Variants in IPCEF1 observed in about 807,000 individuals in gnomAD.
The protein encoded by IPCEF1 is interaction protein for cytohesin exchange factors 1.
IPCEF1 carries 31 observed loss-of-function variants against 50.9 expected under a neutral mutation model. That is an observed-to-expected ratio of 0.61 (90% CI 0.46 to 0.82). The LOEUF (loss-of-function observed/expected upper bound fraction) is 0.82, where lower values mean the gene tolerates loss of function less well. Ranked by LOEUF, IPCEF1 falls within the 40% of genes least tolerant of loss-of-function variation. The probability of loss-of-function intolerance (pLI) is 0.00; values close to 1 mark genes in which losing one functional copy is unlikely to be tolerated. For synonymous variants in IPCEF1, 181 were observed against 192.0 expected (o/e 0.94, Z 0.47); for missense variants, 458 against 514.0 (o/e 0.89, Z 1.05).
At chr6:154,289,606 A>C (rs974194880) in intron 2 of IPCEF1, 107 bp downstream of exon 2, 1 of 152,132 alleles carries the variant, frequency 6.6e-6, no homozygotes, top group African/African-American at 2.4e-5. Flanking sequence ...CCTAGGCTAC[A>C]CTAATTTGAT....
chr6:154,208,953 C>T lies in IPCEF1; in HGVS notation c.537+3817G>A, dbSNP rs116076432. Among the ~76,000 whole-genome samples the T allele has an allele frequency of 4.2e-3, 638 of 152,288 alleles. 6 individuals are homozygous for T. The highest frequency in any genetic ancestry group is 0.014 in the African/African-American group (595 of 41,558). On this transcript the variant is annotated intron_variant, in intron 9 of 11. Transcript: ENST00000367220. ...TGAGAATAAATGGATGTTCTTTCCA[C>T]TATCAACCCTCTGAAACCTTCTGAA...
chr6:154,284,560 T>C (rs1364331849), intron 2 of IPCEF1, among the ~76,000 whole-genome samples: 1 of 152,144 alleles, frequency 6.6e-6, no homozygotes, highest in Non-Finnish European at 1.5e-5. Context: ...CCTCCTTCTG[T>C]GTCATGACCA....
chr6:154,225,686 C>T (rs913528733), intron 5 of IPCEF1, among the ~76,000 whole-genome samples: 4 of 152,154 alleles, frequency 2.6e-5, no homozygotes, highest in Non-Finnish European at 5.9e-5. Flanking sequence ...GGTTGCACAA[C>T]ATTGTGAATG....
intron 10 of IPCEF1, among the ~76,000 whole-genome samples, chr6:154,198,721 A>G (rs1423004451): frequency 6.6e-6 from 1 of 152,108 alleles, no homozygotes; most frequent in African/African-American, 2.4e-5. Flanking sequence ...AAATTAAATT[A>G]GCAGGGTACC....
chr6:154,322,541 C>G (rs1211506547), intron 1 of IPCEF1, among the ~76,000 whole-genome samples: 1 of 151,628 alleles, frequency 6.6e-6, no homozygotes, highest in Admixed American at 6.6e-5. Context: ...AAAACTGCCT[C>G]CTAAAGAAAA....
At chr6:154,313,751 T>G (rs1475717626) in intron 1 of IPCEF1, among the ~76,000 whole-genome samples, 2 of 152,100 alleles carry the variant, frequency 1.3e-5, no homozygotes, top group African/African-American at 4.8e-5. Flanking sequence ...TGTTTTGTTT[T>G]TTGTTTTTTT....
At chr6:154,210,852 T>C (rs2128604252) in intron 9 of IPCEF1, among the ~76,000 whole-genome samples, 1 of 152,262 alleles carries the variant, frequency 6.6e-6, no homozygotes, top group African/African-American at 2.4e-5. Flanking sequence ...TATTCAACAA[T>C]ATTTATGTCT....
At chr6:154,257,271 A>G (rs1188981390) in intron 3 of IPCEF1, among the ~76,000 whole-genome samples, 2 of 152,146 alleles carry the variant, frequency 1.3e-5, no homozygotes, top group African/African-American at 4.8e-5. Flanking sequence ...CAAGTGAGGA[A>G]GCTCCATTGT....
At chr6:154,186,001 T>G (rs1801309889) in intron 10 of IPCEF1, among the ~76,000 whole-genome samples, 1 of 152,280 alleles carries the variant, frequency 6.6e-6, no homozygotes, top group Non-Finnish European at 1.5e-5. Flanking sequence ...GCTTGTGTTC[T>G]TTGCGGCCTA....
intron 2 of IPCEF1, among the ~76,000 whole-genome samples, chr6:154,278,461 C>T (rs192244160): frequency 3.3e-5 from 5 of 152,228 alleles, no homozygotes; most frequent in Admixed American, 6.5e-5. Flanking sequence ...AGAGATCCTC[C>T]GATCCTAGCC....
chr6:154,264,990 C>G (rs1392267710), intron 3 of IPCEF1, among the ~76,000 whole-genome samples: 1 of 152,164 alleles, frequency 6.6e-6, no homozygotes, highest in Non-Finnish European at 1.5e-5. Context: ...AGCCTCCCAA[C>G]ACACCACTTC....
At chr6:154,217,410 AC>A (rs1562547860) in intron 7 of IPCEF1, 4 of 151,688 alleles carry the variant, frequency 2.6e-5, no homozygotes, top group Non-Finnish European at 5.9e-5. Context: ...TTGTTCCTAA[AC>A]CACAAGAGGT....
chr6:154,303,092 C>CTTTTT (rs71021038), intron 1 of IPCEF1, among the ~76,000 whole-genome samples: 3 of 121,406 alleles, frequency 2.5e-5, no homozygotes, highest in African/African-American at 6.4e-5. Context: ...TATGATAGCA[C>CTTTTT]TTTTTTTTTT....
chr6:154,322,287 C>T (rs1265512574), intron 1 of IPCEF1, among the ~76,000 whole-genome samples: 1 of 151,754 alleles, frequency 6.6e-6, no homozygotes, highest in Non-Finnish European at 1.5e-5. Flanking sequence ...GAGGCTGAGG[C>T]AGGAGAATCA....
intron 10 of IPCEF1, among the ~76,000 whole-genome samples, chr6:154,174,893 T>C (rs1435035736): frequency 6.6e-6 from 1 of 152,182 alleles, no homozygotes; most frequent in Non-Finnish European, 1.5e-5. Flanking sequence ...CACATCACAC[T>C]TATTCTAAAG....
intron 1 of IPCEF1, among the ~76,000 whole-genome samples, chr6:154,295,893 GTACACACACACACACACGCACA>G (rs1782640437): frequency 1.9e-5 from 2 of 103,048 alleles, no homozygotes; most frequent in South Asian, 7.1e-4. Context: ...ACACACATGC[GTACACACACACACACACGCACA>G]CACACACACA....
chr6:154,198,637 C>CAT (rs1469210113), intron 10 of IPCEF1, among the ~76,000 whole-genome samples: 91 of 149,506 alleles, frequency 6.1e-4, no homozygotes, highest in Middle Eastern at 3.5e-3. Context: ...TACATACACA[C>CAT]ACACACACAC....
At chr6:154,331,917 G>A (rs543775889) in intron 1 of IPCEF1, among the ~76,000 whole-genome samples, 1 of 152,234 alleles carries the variant, frequency 6.6e-6, no homozygotes, top group East Asian at 1.9e-4. Context: ...AGGTCTGATA[G>A]GGCACTTGGT....
intron 5 of IPCEF1, among the ~76,000 whole-genome samples, chr6:154,240,387 T>C (rs1780483909): frequency 6.6e-6 from 1 of 152,166 alleles, no homozygotes; most frequent in East Asian, 1.9e-4. Flanking sequence ...CCTATAAAAT[T>C]TTTTTGAATC....
Sources: gnomAD v4.1 joint callset for allele counts (sites outside exome capture counted in the v4.1 genomes callset) on GRCh38, gnomAD v4.1.1 for gene constraint, MANE v1.5 for transcripts, NCBI Gene and HGNC (gene_info 2026-07-23, HGNC 2026-07-21) for gene names.